SGCZ: variants seen among roughly 807,000 people sequenced by gnomAD.
The protein encoded by SGCZ is zeta-sarcoglycan.
Under a neutral mutation model 41.3 loss-of-function variants are expected in SGCZ, and 40 were observed. The observed-to-expected ratio is 0.97, with a 90% CI of 0.75 to 1.26. The LOEUF (loss-of-function observed/expected upper bound fraction) is 1.26. Among genes scored for constraint, SGCZ ranks in the 50% most tolerant of loss-of-function variants. SGCZ has a pLI of 0.00. For missense variants in SGCZ, 552 were observed against 369.8 expected, an observed-to-expected ratio of 1.49 and a Z score of -4.04; for synonymous variants, 206 against 137.5, an observed-to-expected ratio of 1.50 and a Z score of -3.49.
At chr8:14,705,087 A>G (rs1450188604) in intron 1 of SGCZ, among the ~76,000 whole-genome samples, 1 of 151,936 alleles carries the variant, frequency 6.6e-6, no homozygotes, top group Non-Finnish European at 1.5e-5. Flanking sequence ...CTAAAGTTGA[A>G]AACTGTCCAA....
chr8:14,904,095 C>T (rs895736230), intron 1 of SGCZ, among the ~76,000 whole-genome samples: 2 of 151,982 alleles, frequency 1.3e-5, no homozygotes, highest in Admixed American at 1.3e-4. Context: ...TCATACTAGT[C>T]GTGCATTATT....
At chr8:14,242,450 G>A (rs1279371544) in intron 3 of SGCZ, among the ~76,000 whole-genome samples, 1 of 152,112 alleles carries the variant, frequency 6.6e-6, no homozygotes, top group African/African-American at 2.4e-5. Context: ...AAGCCCAAAG[G>A]CTGCCAAATG....
chr8:14,899,428 G>C (rs957878010), intron 1 of SGCZ, among the ~76,000 whole-genome samples: 1 of 152,102 alleles, frequency 6.6e-6, no homozygotes, highest in Admixed American at 6.6e-5. Flanking sequence ...AAAAACTAAT[G>C]TTAAATTACA....
chr8:14,760,820 G>A (rs937659943), intron 1 of SGCZ, among the ~76,000 whole-genome samples: 1 of 152,056 alleles, frequency 6.6e-6, no homozygotes, highest in South Asian at 2.1e-4. Context: ...TTTATTTGTT[G>A]TTCATTTGAA....
At chr8:14,644,854 C>T (rs998335049) in intron 1 of SGCZ, among the ~76,000 whole-genome samples, 2 of 151,410 alleles carry the variant, frequency 1.3e-5, no homozygotes, top group African/African-American at 4.8e-5. Flanking sequence ...ATTAGTCAAA[C>T]ATTTTGATGA....
At chr8:14,521,834 C>T (rs1362360081) in intron 2 of SGCZ, among the ~76,000 whole-genome samples, 2 of 151,994 alleles carry the variant, frequency 1.3e-5, no homozygotes, top group Admixed American at 1.3e-4. Flanking sequence ...TTACTTTGTC[C>T]CTGATCTTAG....
In SGCZ at chr8:14,991,423, T is replaced by C. The variant is rs1297124535; in HGVS notation, c.39+246162A>G. 2.0e-5 allele frequency among the ~76,000 whole-genome samples: 3 copies of C among 152,182 alleles called. 1 individual carries two copies. In the South Asian group the frequency reaches 6.2e-4, roughly 31 times the overall value. Reference sequence around the variant, plus strand: ...ATCTGCAAATGATGTGTATGAGCATTGGAGTTTGAGATGCCCAGGATAAAG... The same window carrying C: ...ATCTGCAAATGATGTGTATGAGCATCGGAGTTTGAGATGCCCAGGATAAAG... On this transcript the variant is annotated intron_variant, in intron 1 of 7. Transcript: ENST00000382080.
chr8:14,187,967 G>A (rs1274280807), intron 4 of SGCZ, among the ~76,000 whole-genome samples: 1 of 152,034 alleles, frequency 6.6e-6, no homozygotes, highest in Non-Finnish European at 1.5e-5. Context: ...TTGGTTATAA[G>A]GAATGCTTAA....
At chr8:14,112,236 C>A (rs1213098813) in intron 5 of SGCZ, among the ~76,000 whole-genome samples, 1 of 147,438 alleles carries the variant, frequency 6.8e-6, no homozygotes, top group African/African-American at 2.5e-5. Context: ...CTTTATTTTT[C>A]CAATAAAATC....
At chr8:15,074,503 G>T (rs912163516) in intron 1 of SGCZ, among the ~76,000 whole-genome samples, 2 of 151,922 alleles carry the variant, frequency 1.3e-5, no homozygotes, top group Non-Finnish European at 2.9e-5. Flanking sequence ...TTTTAAAAGC[G>T]CCCCATTCAT....
intron 3 of SGCZ, among the ~76,000 whole-genome samples, chr8:14,258,430 T>C (rs1217244440): frequency 6.6e-6 from 1 of 152,114 alleles, no homozygotes; most frequent in African/African-American, 2.4e-5. Context: ...GTCAAAATCA[T>C]ACTGCAAAAG....
At chr8:14,960,791 A>G (rs963883525) in intron 1 of SGCZ, among the ~76,000 whole-genome samples, 23 of 152,170 alleles carry the variant, frequency 1.5e-4, no homozygotes, top group Admixed American at 1.2e-3. Flanking sequence ...TACTACATCA[A>G]TTAAGGAAAT....
At chr8:14,262,447 T>G (rs1357870093) in intron 3 of SGCZ, among the ~76,000 whole-genome samples, 1 of 152,092 alleles carries the variant, frequency 6.6e-6, no homozygotes, top group Non-Finnish European at 1.5e-5. Context: ...AATTTTAAAT[T>G]TTTACTTAAG....
At chr8:14,813,154 G>C (rs1013898775) in intron 1 of SGCZ, among the ~76,000 whole-genome samples, 1 of 152,166 alleles carries the variant, frequency 6.6e-6, no homozygotes, top group East Asian at 1.9e-4. Flanking sequence ...CTGCCTCAAA[G>C]AGTTCAAAAA....
chr8:14,719,144 A>G (rs957871005), intron 1 of SGCZ, among the ~76,000 whole-genome samples: 13 of 150,504 alleles, frequency 8.6e-5, no homozygotes, highest in African/African-American at 1.5e-4. Flanking sequence ...GAGAATGATG[A>G]TTTCCAGTTT....
At chr8:14,829,936 T>G (rs957468671) in intron 1 of SGCZ, among the ~76,000 whole-genome samples, 7 of 152,116 alleles carry the variant, frequency 4.6e-5, no homozygotes, top group Middle Eastern at 3.4e-3. Flanking sequence ...CTCAGCCTCC[T>G]GAGTAGCTGG....
At chr8:14,971,449 A>T (rs1055143217) in intron 1 of SGCZ, among the ~76,000 whole-genome samples, 2 of 152,042 alleles carry the variant, frequency 1.3e-5, no homozygotes, top group African/African-American at 4.8e-5. Flanking sequence ...CTGCATTTCT[A>T]TTCCTACTTT....
chr8:15,109,880 C>T (rs1011995232), intron 1 of SGCZ, among the ~76,000 whole-genome samples: 1 of 152,058 alleles, frequency 6.6e-6, no homozygotes, highest in Non-Finnish European at 1.5e-5. Flanking sequence ...ATAAGGCAAT[C>T]TCTTTATGGG....
chr8:14,906,504 A>G (rs566230657), intron 1 of SGCZ, among the ~76,000 whole-genome samples: 1 of 152,138 alleles, frequency 6.6e-6, no homozygotes, highest in Non-Finnish European at 1.5e-5. Context: ...TGTTTTATAT[A>G]TTTTTTCTTT....
Sources: allele counts gnomAD v4.1 joint callset (sites outside exome capture counted in the v4.1 genomes callset), GRCh38; gene constraint gnomAD v4.1.1; transcripts MANE v1.5; gene names NCBI Gene and HGNC (gene_info 2026-07-23, HGNC 2026-07-21).